Variants in PDZD2 observed in about 807,000 individuals in gnomAD.
PDZD2 encodes the protein PDZ domain-containing protein 2.
Under a neutral mutation model 220.7 loss-of-function variants are expected in PDZD2, and 90 were observed. The ratio of observed to expected loss-of-function variants is 0.41; its 90% CI spans 0.34 to 0.49. PDZD2 has a LOEUF of 0.49. PDZD2 is among the 20% of genes least tolerant of loss of function. The pLI, the probability that PDZD2 is intolerant of heterozygous loss-of-function variation, is 0.28. For synonymous variants in PDZD2, 1,375 were observed against 1,450.5 expected (o/e 0.95, Z 1.18); for missense variants, 3,174 against 3,608.5 (o/e 0.88, Z 3.08).
chr5:32,025,750 T>G (rs986706366), intron 6 of PDZD2, among the ~76,000 whole-genome samples: 13 of 151,014 alleles, frequency 8.6e-5, no homozygotes, highest in Non-Finnish European at 5.9e-5. Context: ...ACAGGTGCCC[T>G]CCACAATGCC....
chr5:31,808,237 T>G lies in PDZD2; in HGVS notation c.476+8513T>G, dbSNP rs1430667025. 5.3e-5 allele frequency among the ~76,000 whole-genome samples: 8 copies of G among 152,176 alleles called. 1 individual carries two copies. The South Asian group carries it at 1.5e-3, about 28-fold the overall frequency. On this transcript the variant is annotated intron_variant, in intron 2 of 24. Transcript: ENST00000438447. ...AGTAAGAGGTCGTCATCACCATGACTTAGAGACATTAAGGAAAGGTGAAAT... is the reference window on the plus strand; with the variant it reads ...AGTAAGAGGTCGTCATCACCATGACGTAGAGACATTAAGGAAAGGTGAAAT...
Position 31,959,567 on chromosome 5 carries a change from C to T in PDZD2, c.477-23588C>T, listed in dbSNP as rs981137922. On this transcript the variant is annotated intron_variant, in intron 2 of 24. Transcript: ENST00000438447. ...AGAGACAAGGTTTCACCATGTTGGC[C>T]ACGAACTCCTGACCTCAGGAGATCT... Among the ~76,000 whole-genome samples the T allele has an allele frequency of 9.2e-5, 14 of 151,478 alleles. 1 individual carries two copies.
chr5:31,993,220 A>C (rs1212124012), intron 3 of PDZD2, among the ~76,000 whole-genome samples: 1 of 152,196 alleles, frequency 6.6e-6, no homozygotes, highest in Non-Finnish European at 1.5e-5. Flanking sequence ...ATTGGATGAA[A>C]TAGAGATCAT....
In PDZD2 at chr5:31,974,677, G is replaced by T. The variant is rs544587490; in HGVS notation, c.477-8478G>T. Among the ~76,000 whole-genome samples, 3 of 152,292 alleles carry T rather than the reference G, an allele frequency of 2.0e-5. No homozygotes were observed. In the South Asian group the frequency reaches 6.2e-4, roughly 32 times the overall value. ...CCAGAGTATCAGCATATTTGCACTG[G>T]CTTCCTAAGCCCCAGTTCCTTCAGG... On this transcript the variant is annotated intron_variant, in intron 2 of 24. Transcript: ENST00000438447.
At chr5:31,740,524 CAAAAAAAAAAAAAAAAAAA>C (rs58965956) in intron 1 of PDZD2, among the ~76,000 whole-genome samples, 1 of 60,058 alleles carries the variant, frequency 1.7e-5, no homozygotes, top group Non-Finnish European at 3.6e-5. Flanking sequence ...GACTCCGTCT[CAAAAAAAAAAAAAAAAAAA>C]AAAAAAAAAA....
intron 19 of PDZD2, among the ~76,000 whole-genome samples, chr5:32,086,619 C>G (rs902641740): frequency 2.0e-5 from 3 of 152,024 alleles, no homozygotes; most frequent in African/African-American, 7.2e-5. Context: ...AGAGAGAAAA[C>G]CAGGAAGACA....
chr5:31,972,125 G>A (rs1283144321), intron 2 of PDZD2, among the ~76,000 whole-genome samples: 1 of 152,130 alleles, frequency 6.6e-6, no homozygotes, highest in Non-Finnish European at 1.5e-5. Flanking sequence ...AGCCTGTTCA[G>A]TGTTTCGTTG....
At chr5:32,002,853 C>T (rs1386696549) in intron 5 of PDZD2, among the ~76,000 whole-genome samples, 2 of 116,534 alleles carry the variant, frequency 1.7e-5, no homozygotes, top group Admixed American at 1.9e-4. Context: ...CACACACCAA[C>T]ACACACACAC....
chr5:31,656,232 T>C (rs2150109431), intron 1 of PDZD2, among the ~76,000 whole-genome samples: 1 of 152,266 alleles, frequency 6.6e-6, no homozygotes, highest in Non-Finnish European at 1.5e-5. Context: ...CCTGCCCACC[T>C]GCCCACTACT....
intron 6 of PDZD2, among the ~76,000 whole-genome samples, chr5:32,022,185 G>T (rs199833724): frequency 7.8e-4 from 106 of 135,628 alleles, no homozygotes; most frequent in Admixed American, 1.5e-3. Context: ...TTGTTTTTTT[G>T]TTTTTTTGTT....
chr5:32,048,469 A>G, intron 7 of PDZD2, 70 bp from the exon 8 acceptor site: 6 of 1,310,934 alleles, frequency 4.6e-6, no homozygotes, highest in Non-Finnish European at 6.6e-6. Context: ...CAATGAGTTT[A>G]TGCCTCTGGA....
Position 31,682,444 on chromosome 5 carries a change from G to A in PDZD2, c.-361+43007G>A, listed in dbSNP as rs144285083. ...GTGGTTAATTGGGAGAAGTGGAATGGTACATTCTTGCTTTCCAATTAAGAA... is the reference window on the plus strand; with the variant it reads ...GTGGTTAATTGGGAGAAGTGGAATGATACATTCTTGCTTTCCAATTAAGAA... On this transcript the variant is annotated intron_variant, in intron 1 of 24. Coordinates refer to ENST00000438447, the MANE Select transcript of PDZD2 (RefSeq NM_178140.4). 9.9e-5 allele frequency among the ~76,000 whole-genome samples: 15 copies of A among 152,262 alleles called. No homozygotes were observed. The East Asian group carries it at 2.1e-3, about 22-fold the overall frequency.
At chr5:31,733,759 G>A (rs982362276) in intron 1 of PDZD2, among the ~76,000 whole-genome samples, 3 of 152,150 alleles carry the variant, frequency 2.0e-5, no homozygotes, top group African/African-American at 7.2e-5. Context: ...AGCTATCGCC[G>A]TTCCTGTAAT....
chr5:31,989,429 T>TA (rs1751029134), intron 3 of PDZD2, among the ~76,000 whole-genome samples: 3 of 147,724 alleles, frequency 2.0e-5, no homozygotes, highest in African/African-American at 7.6e-5. Flanking sequence ...TTCTTTTTTT[T>TA]TTTTTTTTTT....
chr5:31,742,179 A>G (rs746126968), intron 1 of PDZD2: 1 of 152,232 alleles, frequency 6.6e-6, no homozygotes, highest in Non-Finnish European at 1.5e-5. Context: ...GTAGCCACAC[A>G]TAAGAAGTCA....
chr5:31,786,538 C>G (rs1381414032), intron 1 of PDZD2, among the ~76,000 whole-genome samples: 1 of 152,176 alleles, frequency 6.6e-6, no homozygotes, highest in African/African-American at 2.4e-5. Context: ...TTTGTCTTGG[C>G]AGATACTCAA....
At chr5:31,957,725 A>G (rs1747840137) in intron 2 of PDZD2, among the ~76,000 whole-genome samples, 1 of 152,200 alleles carries the variant, frequency 6.6e-6, no homozygotes, top group South Asian at 2.1e-4. Flanking sequence ...CTTCATGGAC[A>G]CTGATGATTC....
chr5:31,700,403 G>C (rs1747562041), intron 1 of PDZD2, among the ~76,000 whole-genome samples: 1 of 152,078 alleles, frequency 6.6e-6, no homozygotes, highest in Non-Finnish European at 1.5e-5. Flanking sequence ...ATGATTTCCA[G>C]TGGTTGATGA....
chr5:31,642,579 T>C (rs1202670420), intron 1 of PDZD2, among the ~76,000 whole-genome samples: 1 of 152,028 alleles, frequency 6.6e-6, no homozygotes, highest in East Asian at 1.9e-4. Flanking sequence ...TTTGAGGAGG[T>C]TGTAGCATTG....
Sources: allele counts gnomAD v4.1 joint callset (sites outside exome capture counted in the v4.1 genomes callset), GRCh38; gene constraint gnomAD v4.1.1; transcripts MANE v1.5; gene names NCBI Gene and HGNC (gene_info 2026-07-23, HGNC 2026-07-21).